Variants in ACTN2 observed in about 807,000 individuals in gnomAD.
ACTN2 encodes the protein actinin alpha 2, also known as alpha-actinin-2.
A neutral mutation model predicts 113.8 loss-of-function variants in ACTN2; 39 were observed. The ratio of observed to expected loss-of-function variants is 0.34; its 90% CI spans 0.27 to 0.45. The LOEUF (loss-of-function observed/expected upper bound fraction) is 0.45, where lower values mean the gene tolerates loss of function less well. Ranked by LOEUF, ACTN2 falls within the 20% of genes least tolerant of loss-of-function variation. The probability of loss-of-function intolerance (pLI) is 1.00; values close to 1 mark genes in which losing one functional copy is unlikely to be tolerated. For synonymous variants in ACTN2, 429 were observed against 444.1 expected (o/e 0.97, Z 0.43); for missense variants, 992 against 1,177.9 (o/e 0.84, Z 2.31).
intron 20 of ACTN2, 121 bp downstream of exon 20, chr1:236,761,294 C>A: frequency 1.7e-6 from 2 of 1,188,780 alleles, no homozygotes; most frequent in African/African-American, 1.5e-5. Flanking sequence ...ACAACATTGG[C>A]ACTGATTTCA....
intron 14 of ACTN2, among the ~76,000 whole-genome samples, chr1:236,750,430 A>G (rs552859583): frequency 9.8e-5 from 15 of 152,330 alleles, no homozygotes; most frequent in African/African-American, 2.4e-4. Context: ...ACAGGCCAAC[A>G]GTCTAAAATC....
chr1:236,715,162 T>G (rs955479276), intron 1 of ACTN2, among the ~76,000 whole-genome samples: 5 of 152,076 alleles, frequency 3.3e-5, no homozygotes, highest in Non-Finnish European at 5.9e-5. Context: ...TTCCTTTTTT[T>G]TTTTTTTATT....
intron 1 of ACTN2, among the ~76,000 whole-genome samples, chr1:236,691,062 C>A (rs772704835): frequency 6.6e-6 from 1 of 151,040 alleles, no homozygotes; most frequent in Admixed American, 6.6e-5. Context: ...CTCAGCCTTA[C>A]AGTAGCTGGA....
At chr1:236,719,154 C>T (rs984289322) in intron 3 of ACTN2, 141 bp downstream of exon 3, 12 of 1,166,900 alleles carry the variant, frequency 1.0e-5, no homozygotes, top group East Asian at 5.2e-5. Flanking sequence ...TTAGGGCGCT[C>T]GGTGCACAAA....
chr1:236,734,325 G>C, intron 7 of ACTN2: 3 of 703,746 alleles, frequency 4.3e-6, no homozygotes, highest in Non-Finnish European at 7.0e-6. Context: ...ATAAGTGTAT[G>C]GGGGCGAAGG....
At chr1:236,720,333 A>T (rs1001990411) in intron 4 of ACTN2, 142 bp downstream of exon 4, 6 of 723,910 alleles carry the variant, frequency 8.3e-6, no homozygotes, top group Non-Finnish European at 1.2e-5. Context: ...TAAATTTTGT[A>T]TGTGTATAGG....
chr1:236,711,678 TG>T (rs1460285127), intron 1 of ACTN2, among the ~76,000 whole-genome samples: 1 of 152,182 alleles, frequency 6.6e-6, no homozygotes, highest in African/African-American at 2.4e-5. Flanking sequence ...CTTTTCTTTC[TG>T]GGGATAGATG....
intron 1 of ACTN2, among the ~76,000 whole-genome samples, chr1:236,689,473 T>A (rs1432423103): frequency 2.0e-5 from 3 of 151,628 alleles, no homozygotes; most frequent in African/African-American, 7.3e-5. Context: ...TGGGCTCAAG[T>A]GACCTCCATG....
chr1:236,732,658 G>T (rs1262370515), intron 7 of ACTN2, among the ~76,000 whole-genome samples: 2 of 152,052 alleles, frequency 1.3e-5, no homozygotes, highest in Non-Finnish European at 2.9e-5. Context: ...GGCCAGGCTG[G>T]TCTCAAACTC....
chr1:236,703,109 C>T (rs1657724558), intron 1 of ACTN2, among the ~76,000 whole-genome samples: 1 of 152,122 alleles, frequency 6.6e-6, no homozygotes, highest in Non-Finnish European at 1.5e-5. Flanking sequence ...CTGCTGCTGC[C>T]TAAAACTGAG....
intron 1 of ACTN2, among the ~76,000 whole-genome samples, chr1:236,715,049 C>G (rs955930364): frequency 1.3e-5 from 2 of 151,988 alleles, no homozygotes; most frequent in African/African-American, 2.4e-5. Context: ...ATGCAAGAGA[C>G]TGATAGCTTC....
At chr1:236,759,539 A>G (rs987729910) in intron 18 of ACTN2, among the ~76,000 whole-genome samples, 185 bp from the exon 19 acceptor site, 36 of 151,548 alleles carry the variant, frequency 2.4e-4, no homozygotes, top group Admixed American at 6.6e-5. Context: ...CCTCTTTTTC[A>G]TTTTTAAGAA....
intron 7 of ACTN2, among the ~76,000 whole-genome samples, chr1:236,735,334 G>C (rs1312203478): frequency 6.6e-6 from 1 of 152,194 alleles, no homozygotes; most frequent in Admixed American, 6.5e-5. Context: ...ATCTGCAACA[G>C]ACCAGGTTTC....
intron 7 of ACTN2, 101 bp downstream of exon 7, chr1:236,731,415 T>A: frequency 1.1e-6 from 1 of 906,090 alleles, no homozygotes; most frequent in East Asian, 2.5e-5. Context: ...CGAAGTTACA[T>A]CCGAAGTACT....
intron 17 of ACTN2, 148 bp from the exon 18 acceptor site, chr1:236,757,338 A>G (rs1572148720): frequency 9.7e-7 from 1 of 1,027,818 alleles, no homozygotes; most frequent in South Asian, 1.3e-5. Flanking sequence ...CAGATGACAA[A>G]GTAGAATTTT....
chr1:236,745,200 T>C (rs947898898), intron 12 of ACTN2, among the ~76,000 whole-genome samples: 44 of 152,120 alleles, frequency 2.9e-4, no homozygotes, highest in African/African-American at 9.2e-4. Context: ...TTTGGGAGGC[T>C]GAGGCGGGCG....
At position 236,757,623 on chromosome 1, in the gene ACTN2, C is replaced by G; in HGVS notation, c.2292C>G (p.His764Gln). The change falls in exon 18 of 21, where the codon CAC becomes CAG. Residue 764 changes from histidine (H) to glutamine (Q), a missense_variant. Coordinates refer to ENST00000366578, the MANE Select transcript of ACTN2 (RefSeq NM_001103.4). ...ATGAGTTCAGAGCCTCCTTCAACCA[C>G]TTTGACAGGGTACCACTCTCTACTT... ...QMNEFRASFN[H>Q]FDRRKNGLMD... The G allele has an allele frequency of 6.2e-7, 1 of 1,614,198 alleles. No homozygotes were observed. Among genetic ancestry groups the G allele is most frequent in the Non-Finnish European group, 8.5e-7 (1 of 1,180,032 alleles).
chr1:236,724,653 G>A (rs1036424124), intron 4 of ACTN2, among the ~76,000 whole-genome samples: 1 of 152,216 alleles, frequency 6.6e-6, no homozygotes, highest in African/African-American at 2.4e-5. Context: ...CAGCTCTGCT[G>A]CTCACCCCCC....
chr1:236,706,069 C>A (rs1657815471), intron 1 of ACTN2, among the ~76,000 whole-genome samples: 2 of 152,060 alleles, frequency 1.3e-5, no homozygotes, highest in Non-Finnish European at 2.9e-5. Context: ...TTTTTAGATA[C>A]CCTCAGCTGT....
Sources: gnomAD v4.1 joint callset for allele counts (sites outside exome capture counted in the v4.1 genomes callset) on GRCh38, gnomAD v4.1.1 for gene constraint, MANE v1.5 for transcripts, NCBI Gene and HGNC (gene_info 2026-07-23, HGNC 2026-07-21) for gene names.